Variants in STK4 observed in about 807,000 individuals in gnomAD.
STK4 encodes serine/threonine kinase 4, also known as serine/threonine-protein kinase 4.
Under a neutral mutation model 64.9 loss-of-function variants are expected in STK4, and 30 were observed. The ratio of observed to expected loss-of-function variants is 0.46; its 90% CI spans 0.35 to 0.63. The LOEUF is 0.63. Among genes scored for constraint, STK4 ranks in the 20% least tolerant of loss-of-function variants. The pLI, the probability that STK4 is intolerant of heterozygous loss-of-function variation, is 0.01. For missense variants in STK4, 466 were observed against 598.5 expected, an observed-to-expected ratio of 0.78 and a Z score of 2.31; for synonymous variants, 177 against 199.0, an observed-to-expected ratio of 0.89 and a Z score of 0.93.
At chr20:44,974,217 A>G (rs1475043800) in intron 2 of STK4, 1 of 151,818 alleles carries the variant, frequency 6.6e-6, no homozygotes, top group Non-Finnish European at 1.5e-5. Flanking sequence ...ACCTGGACAA[A>G]TTGCGTTTTA....
chr20:45,031,524 T>C (rs1420004095), intron 10 of STK4, among the ~76,000 whole-genome samples: 7 of 151,946 alleles, frequency 4.6e-5, no homozygotes, highest in African/African-American at 1.5e-4. Context: ...GGAAAGAAAA[T>C]ACAACCGAAA....
At chr20:44,990,270 A>T (rs1360159338) in intron 5 of STK4, among the ~76,000 whole-genome samples, 2 of 152,194 alleles carry the variant, frequency 1.3e-5, no homozygotes, top group African/African-American at 2.4e-5. Context: ...GGTTAAATTC[A>T]TTCCTAAGTA....
chr20:44,966,705 G>A, intron 1 of STK4, 102 bp downstream of exon 1: 2 of 1,223,608 alleles, frequency 1.6e-6, no homozygotes, highest in African/African-American at 1.6e-5. Context: ...GGAGCTAAGC[G>A]ACCCAGCCGA....
intron 10 of STK4, among the ~76,000 whole-genome samples, chr20:45,039,562 C>A (rs1236467111): frequency 6.6e-6 from 1 of 152,094 alleles, no homozygotes; most frequent in African/African-American, 2.4e-5. Flanking sequence ...CACAGTTTGT[C>A]ATTTTTCATG....
At position 45,078,435 on chromosome 20, in the gene STK4, G is replaced by C. The variant is rs1980684537; in HGVS notation, c.*3259G>C. The C allele has an allele frequency of 6.6e-6, 1 of 152,062 alleles. No homozygotes were observed. The highest frequency in any genetic ancestry group is 1.5e-5 in the Non-Finnish European group (1 of 68,056). The allele number at this position is 152,062 out of a possible 1,614,324, so 9.4% of individuals were successfully genotyped here. On this transcript the variant is annotated 3_prime_UTR_variant, in exon 11 of 11. Coordinates refer to ENST00000372806, the MANE Select transcript of STK4 (RefSeq NM_006282.5). ...TTAGCCAGGTGGGTCTTGAACTCCT[G>C]ACCTTGTGATCCACCCGCCTCGGCC...
At position 45,019,297 on chromosome 20, in the gene STK4, CAT is replaced by C. The variant is rs944691795; in HGVS notation, c.1148-5675_1148-5674del. Among the ~76,000 whole-genome samples the C allele has an allele frequency of 3.7e-4, 57 of 152,268 alleles. 1 individual carries two copies. The highest frequency in any genetic ancestry group is 1.3e-3 in the African/African-American group (55 of 41,556). ...AGTTTATGTAAATGGAATCATATAACATGTGGCCTTTTGAGAATGGCGTCTTT... is the reference window on the plus strand; with the variant it reads ...AGTTTATGTAAATGGAATCATATAACGTGGCCTTTTGAGAATGGCGTCTTT... On this transcript the variant is annotated intron_variant, in intron 9 of 10. Coordinates refer to ENST00000372806, the MANE Select transcript of STK4 (RefSeq NM_006282.5).
chr20:45,045,641 A>C (rs2068682084), intron 10 of STK4, among the ~76,000 whole-genome samples: 1 of 152,180 alleles, frequency 6.6e-6, no homozygotes, highest in South Asian at 2.1e-4. Context: ...CTTATTGAGA[A>C]CACAATGCAG....
chr20:44,967,283 A>C, intron 1 of STK4: 1 of 966,710 alleles, frequency 1.0e-6, no homozygotes, highest in Non-Finnish European at 1.2e-6. Flanking sequence ...TAGGTAAGGA[A>C]ATAAGAGGAT....
intron 6 of STK4, 134 bp from the exon 7 acceptor site, chr20:44,997,035 A>C: frequency 1.6e-6 from 2 of 1,265,756 alleles, no homozygotes; most frequent in South Asian, 2.8e-5. Context: ...CTTTTGTTGG[A>C]ATTTGGGTGA....
chr20:45,004,444 A>C (rs1420693813), intron 9 of STK4: 1 of 151,796 alleles, frequency 6.6e-6, no homozygotes, highest in South Asian at 2.1e-4. Flanking sequence ...GTTTCACTTG[A>C]CTAGCCTTAA....
chr20:44,981,441 C>T (rs1257229864), intron 3 of STK4, among the ~76,000 whole-genome samples: 1 of 152,150 alleles, frequency 6.6e-6, no homozygotes, highest in Non-Finnish European at 1.5e-5. Context: ...AGGTGTGAGC[C>T]ACTGCACCTG....
intron 4 of STK4, among the ~76,000 whole-genome samples, chr20:44,982,387 G>A (rs1189780220): frequency 1.3e-5 from 2 of 151,164 alleles, no homozygotes; most frequent in Admixed American, 6.6e-5. Context: ...TTCCCACCTC[G>A]GCCTCCCAAA....
chr20:45,026,128 G>GTTTTTTTTTT (rs33913833), intron 10 of STK4, among the ~76,000 whole-genome samples: 25 of 128,970 alleles, frequency 1.9e-4, no homozygotes, highest in African/African-American at 6.9e-4. Context: ...TTATCCAGTG[G>GTTTTTTTTTT]TTTTTTTTTT....
chr20:44,969,936 C>T (rs1475546737), intron 1 of STK4, among the ~76,000 whole-genome samples: 1 of 152,142 alleles, frequency 6.6e-6, no homozygotes, highest in Non-Finnish European at 1.5e-5. Flanking sequence ...TCAAAGATTG[C>T]TGATGAAATT....
chr20:44,997,196 C>A lies in STK4; in HGVS notation c.721C>A (p.Pro241Thr). 6.2e-7 allele frequency: 1 copy of A among 1,613,988 alleles called. No individual in the cohort carries two copies. Among genetic ancestry groups the A allele is most frequent in the Non-Finnish European group, 8.5e-7 (1 of 1,179,888 alleles). ...AATCTTCATGATTCCTACAAATCCT[C>A]CTCCCACATTCCGAAAACCAGAGCT... ...RAIFMIPTNP[P>T]PTFRKPELWS... The change falls in exon 7 of 11, where the codon CCT becomes ACT. Residue 241 changes from proline (P) to threonine (T), a missense_variant. Coordinates refer to ENST00000372806, the MANE Select transcript of STK4 (RefSeq NM_006282.5).
intron 3 of STK4, among the ~76,000 whole-genome samples, chr20:44,979,673 A>G (rs2067402395): frequency 6.6e-6 from 1 of 152,190 alleles, no homozygotes; most frequent in Non-Finnish European, 1.5e-5. Context: ...AAACTTCTAC[A>G]TTAGGGTTTA....
chr20:45,029,335 C>A (rs1208700107), intron 10 of STK4, among the ~76,000 whole-genome samples: 1 of 152,124 alleles, frequency 6.6e-6, no homozygotes, highest in Non-Finnish European at 1.5e-5. Flanking sequence ...TATTGGGACT[C>A]TTGCACTAAA....
Position 44,988,533 on chromosome 20 carries a change from GTATATATATATATATATATATATATA to G in STK4, c.525+1247_525+1272del, listed in dbSNP as rs71197589. The stretch of plus-strand genomic sequence containing the variant: ...TGTGTGTGTATATATATGTGTGTGT[GTATATATATATATATATATATATATA>G]TATATATATGTATCCATTCCATTTA... On this transcript the variant is annotated intron_variant, in intron 5 of 10. Coordinates refer to ENST00000372806, the MANE Select transcript of STK4 (RefSeq NM_006282.5). Among the ~76,000 whole-genome samples, 4 of 101,586 alleles carry G rather than the reference GTATATATATATATATATATATATATA, an allele frequency of 3.9e-5. 1 individual carries two copies. Among genetic ancestry groups the G allele is most frequent in the East Asian group, 6.8e-4 (2 of 2,960 alleles). 66.6% of individuals were successfully genotyped at this position (101,586 alleles called of 152,430 possible).
intron 10 of STK4, among the ~76,000 whole-genome samples, chr20:45,059,384 T>C (rs1230226890): frequency 6.6e-6 from 1 of 152,204 alleles, no homozygotes; most frequent in Non-Finnish European, 1.5e-5. Context: ...ATTGCCAGCA[T>C]CACTACTCTT....
Sources: gnomAD v4.1 joint callset for allele counts (sites outside exome capture counted in the v4.1 genomes callset) on GRCh38, gnomAD v4.1.1 for gene constraint, MANE v1.5 for transcripts, NCBI Gene and HGNC (gene_info 2026-07-23, HGNC 2026-07-21) for gene names.